CUBN: variants seen among roughly 807,000 people sequenced by gnomAD.
CUBN encodes cubilin.
Under a neutral mutation model 405.3 loss-of-function variants are expected in CUBN, and 282 were observed. The ratio of observed to expected loss-of-function variants is 0.70; its 90% CI spans 0.63 to 0.77. CUBN has a LOEUF of 0.77. Among genes scored for constraint, CUBN ranks in the 30% least tolerant of loss-of-function variants. The probability of loss-of-function intolerance (pLI) is 0.00; values close to 1 mark genes in which losing one functional copy is unlikely to be tolerated. For missense variants in CUBN, 4,514 were observed against 4,475.2 expected, an observed-to-expected ratio of 1.01 and a Z score of -0.25; for synonymous variants, 1,684 against 1,617.0, an observed-to-expected ratio of 1.04 and a Z score of -0.99.
intron 59 of CUBN, among the ~76,000 whole-genome samples, chr10:16,858,363 C>G (rs1839921852): frequency 6.6e-6 from 1 of 152,062 alleles, no homozygotes; most frequent in Non-Finnish European, 1.5e-5. Flanking sequence ...CTCTGTCACC[C>G]AGACTGGAGT....
chr10:16,921,394 C>A (rs1842029592), intron 43 of CUBN, among the ~76,000 whole-genome samples: 1 of 152,102 alleles, frequency 6.6e-6, no homozygotes, highest in African/African-American at 2.4e-5. Context: ...ACTGTCTCCT[C>A]CAGGATCTTG....
intron 59 of CUBN, among the ~76,000 whole-genome samples, chr10:16,865,482 G>T (rs181070987): frequency 1.3e-5 from 2 of 152,256 alleles, no homozygotes; most frequent in African/African-American, 4.8e-5. Context: ...ACAGGGGCTG[G>T]CTGGGAGCTT....
At position 16,906,280 on chromosome 10, in the gene CUBN, G is replaced by T; in HGVS notation, c.7835C>A (p.Ser2612Tyr). ...TLSNPNQGNS[S>Y]ISIHFEDFYL... ...AAAATCTTCAAAGTGAATGGAAATGGATGAATTTCCCTGATTTGGATTGCT... is the reference window on the plus strand; with the variant it reads ...AAAATCTTCAAAGTGAATGGAAATGTATGAATTTCCCTGATTTGGATTGCT... Residue 2612 changes from serine (S) to tyrosine (Y), a missense_variant, in exon 50 of 67, where the codon TCC (serine) becomes TAC (tyrosine). Physicochemically the swap from Ser to Tyr is moderately radical, Grantham distance 144. Coordinates refer to ENST00000377833, the MANE Select transcript of CUBN (RefSeq NM_001081.4). 1 of 1,613,610 alleles carries T rather than the reference G, an allele frequency of 6.2e-7. No homozygotes were observed. Among genetic ancestry groups the T allele is most frequent in the Non-Finnish European group, 8.5e-7 (1 of 1,179,486 alleles).
intron 6 of CUBN, among the ~76,000 whole-genome samples, chr10:17,116,465 A>C (rs905100013): frequency 1.3e-5 from 2 of 152,090 alleles, no homozygotes; most frequent in Non-Finnish European, 2.9e-5. Flanking sequence ...GAGGTTGCCG[A>C]TTGCCGGACT....
chr10:16,919,724 A>G (rs1266639679), intron 44 of CUBN, among the ~76,000 whole-genome samples: 2 of 152,180 alleles, frequency 1.3e-5, no homozygotes, highest in East Asian at 3.9e-4. Flanking sequence ...AGCCACCCTC[A>G]GTGTCCCTTG....
intron 64 of CUBN, among the ~76,000 whole-genome samples, chr10:16,833,895 T>TA (rs1363895561): frequency 3.3e-5 from 5 of 151,950 alleles, no homozygotes; most frequent in Admixed American, 2.6e-4. Flanking sequence ...AAAAATAAAA[T>TA]AAAAAATACA....
In CUBN at chr10:16,840,895, G is replaced by A. The variant is rs750580951; in HGVS notation, c.9816C>T (p.Thr3272=). 9 of 1,610,888 alleles carry A rather than the reference G, an allele frequency of 5.6e-6. No homozygotes were observed. The Admixed American group carries it at 1.0e-4, about 18-fold the overall frequency. The change falls in exon 61 of 67, where the codon ACC becomes ACT. Residue 3272 remains threonine, a synonymous_variant. Coordinates refer to ENST00000377833, the MANE Select transcript of CUBN (RefSeq NM_001081.4). ...CTTCTATTTACTCACTGTCCATGATGGTGTATGTAGCATTAAATCCTTCCC... is the reference window on the plus strand; with the variant it reads ...CTTCTATTTACTCACTGTCCATGATAGTGTATGTAGCATTAAATCCTTCCC... The part of the protein sequence containing the change: ...LEREGFNATY[T]IMDMPCGGTY...
intron 22 of CUBN, among the ~76,000 whole-genome samples, chr10:17,058,155 C>T (rs559769711): frequency 6.6e-6 from 1 of 151,934 alleles, no homozygotes; most frequent in African/African-American, 2.4e-5. Flanking sequence ...AGAATACATA[C>T]TATGTATTCC....
intron 60 of CUBN, among the ~76,000 whole-genome samples, chr10:16,845,639 T>C (rs1252205048): frequency 6.6e-6 from 1 of 152,274 alleles, no homozygotes; most frequent in South Asian, 2.1e-4. Context: ...TGTTCTTCTC[T>C]AGTTCTTGCA....
At position 16,835,049 on chromosome 10, in the gene CUBN, C is replaced by T. The variant is rs776263089; in HGVS notation, c.10327G>A (p.Glu3443Lys). Residue 3443 changes from glutamate (E) to lysine (K), a missense_variant, in exon 64 of 67, where the codon GAG becomes AAG. This residue lies in a region of CUBN where 1,186 missense variants were observed against 1,186.9 expected (regional missense o/e 1.00). Transcript: ENST00000377833. ...TCGTTTCTGCATTCAACTGAGTTCT[C>T]GATGCCAAGTGAATGAAAAAAGAGG... ...ISLFFHSLGI[E>K]NSVECRNDFL... 49 of 1,613,966 alleles carry T rather than the reference C, an allele frequency of 3.0e-5. No individual in the cohort carries two copies. In the Admixed American group the frequency reaches 5.8e-4, roughly 19 times the overall value.
intron 63 of CUBN, 94 bp downstream of exon 63, chr10:16,836,141 A>G (rs372256335): frequency 8.1e-7 from 1 of 1,232,254 alleles, no homozygotes; most frequent in East Asian, 2.4e-5. Context: ...TAATTTACTC[A>G]CAGGAGTCAA....
At chr10:17,034,792 G>A (rs1834859983) in intron 27 of CUBN, among the ~76,000 whole-genome samples, 1 of 152,100 alleles carries the variant, frequency 6.6e-6, no homozygotes, top group Non-Finnish European at 1.5e-5. Flanking sequence ...GTGGCGACGG[G>A]GAGACTGTTT....
chr10:17,083,112 G>A lies in CUBN; in HGVS notation c.2301+1159C>T, dbSNP rs374090424. 2.1e-4 allele frequency among the ~76,000 whole-genome samples: 32 copies of A among 151,908 alleles called. No individual in the cohort carries two copies. The South Asian group carries it at 3.3e-3, about 16-fold the overall frequency. On this transcript the variant is annotated intron_variant, in intron 17 of 66. Transcript: ENST00000377833. Reference sequence around the variant, plus strand: ...ACATAAAAATATTTGAAATTCTTCCGTAGTGTAAAACTTTAATATACTTTA... The same window carrying A: ...ACATAAAAATATTTGAAATTCTTCCATAGTGTAAAACTTTAATATACTTTA...
At chr10:17,081,269 A>G (rs1412168865) in intron 17 of CUBN, among the ~76,000 whole-genome samples, 3 of 152,200 alleles carry the variant, frequency 2.0e-5, no homozygotes, top group Non-Finnish European at 2.9e-5. Context: ...AAAACCACAC[A>G]AAGAGAAGAT....
At chr10:17,044,108 T>C (rs968389817) in intron 25 of CUBN, 125 bp from the exon 26 acceptor site, 1 of 224,414 alleles carries the variant, frequency 4.5e-6, no homozygotes, top group South Asian at 1.1e-4. Flanking sequence ...TATAAATAAA[T>C]ATATGTAATT....
At chr10:16,848,949 C>T (rs961855332) in intron 60 of CUBN, among the ~76,000 whole-genome samples, 3 of 152,068 alleles carry the variant, frequency 2.0e-5, no homozygotes, top group Admixed American at 6.5e-5. Context: ...AGCAATCTGC[C>T]TACCTCTGCC....
chr10:17,044,062 G>T, intron 25 of CUBN, 79 bp from the exon 26 acceptor site: 1 of 856,138 alleles, frequency 1.2e-6, no homozygotes, highest in Non-Finnish European at 1.7e-6. Context: ...AAGAAGTGAG[G>T]AAGAAAAAAT....
intron 65 of CUBN, among the ~76,000 whole-genome samples, chr10:16,829,326 G>C (rs558638762): frequency 7.1e-6 from 1 of 140,190 alleles, no homozygotes; most frequent in East Asian, 2.2e-4. Context: ...GAAAATTGGG[G>C]GTTGAGAGCA....
intron 66 of CUBN, among the ~76,000 whole-genome samples, chr10:16,826,052 C>G (rs1423557113): frequency 6.6e-6 from 1 of 152,152 alleles, no homozygotes; most frequent in East Asian, 1.9e-4. Context: ...AGACGGTCAA[C>G]AGAAGTTTTA....
Sources: gnomAD v4.1 joint callset for allele counts (sites outside exome capture counted in the v4.1 genomes callset) on GRCh38, gnomAD v4.1.1 for gene constraint, gnomAD v4.1.1 regional missense constraint, MANE v1.5 for transcripts, NCBI Gene and HGNC (gene_info 2026-07-23, HGNC 2026-07-21) for gene names.